ARMC9: variants seen among roughly 807,000 people sequenced by gnomAD.
The protein encoded by ARMC9 is lisH domain-containing protein ARMC9.
In ARMC9, 94 loss-of-function variants were observed where a neutral mutation model predicts 107.0. The observed-to-expected ratio is 0.88, with a 90% CI of 0.74 to 1.04. The LOEUF is 1.04. Among genes scored for constraint, ARMC9 ranks in the 50% least tolerant of loss-of-function variants. The pLI is 0.00. For missense variants in ARMC9, 942 were observed against 1,030.1 expected (o/e 0.91, Z 1.17); for synonymous variants, 380 against 396.9 (o/e 0.96, Z 0.51).
chr2:231,356,033 G>C (rs927760506), intron 22 of ARMC9, 99 bp downstream of exon 22: 1 of 1,418,418 alleles, frequency 7.1e-7, no homozygotes, highest in Non-Finnish European at 9.3e-7. Flanking sequence ...TCTGCTCCTG[G>C]GAAGCCCTCT....
intron 9 of ARMC9, among the ~76,000 whole-genome samples, chr2:231,245,573 C>T (rs1194907067): frequency 1.3e-5 from 2 of 152,218 alleles, no homozygotes; most frequent in African/African-American, 2.4e-5. Flanking sequence ...TCCCTTCGCT[C>T]AGCGCATCCT....
chr2:231,201,033 G>T (rs1436649525), intron 1 of ARMC9, among the ~76,000 whole-genome samples: 1 of 152,182 alleles, frequency 6.6e-6, no homozygotes, highest in Non-Finnish European at 1.5e-5. Flanking sequence ...GGAGTTCGCT[G>T]TTGGCAGGGT....
intron 9 of ARMC9, among the ~76,000 whole-genome samples, chr2:231,241,732 G>A (rs1425512814): frequency 6.6e-6 from 1 of 152,052 alleles, no homozygotes; most frequent in Non-Finnish European, 1.5e-5. Context: ...ATAAAAATAA[G>A]TAAAGCAGTT....
rs201981676 is a variant in ARMC9, at chr2:231,259,012, A to T, written c.936A>T (p.Leu312Phe). 3.1e-6 allele frequency: 5 copies of T among 1,613,646 alleles called. No individual in the cohort carries two copies. The highest frequency in any genetic ancestry group is 2.7e-5 in the African/African-American group (2 of 74,926). The change falls in exon 11 of 25, where the codon TTA (leucine) becomes TTT (phenylalanine). Residue 312 changes from leucine to phenylalanine, a missense_variant. Leu to Phe is a conservative substitution (Grantham distance 22). Coordinates refer to ENST00000611582, the MANE Select transcript of ARMC9 (RefSeq NM_001352754.2). ...LAPVKLKDVP[L>F]LPSLDYEKLK... ...GTAGGAAATTGAAGGATGTCCCATT[A>T]CTGCCCTCCTTGGATTATGAGAAAC...
At chr2:231,319,439 C>T (rs2042881040) in intron 19 of ARMC9, among the ~76,000 whole-genome samples, 1 of 152,154 alleles carries the variant, frequency 6.6e-6, no homozygotes, top group African/African-American at 2.4e-5. Flanking sequence ...CAATGCTCAG[C>T]CCAGCATCTC....
At chr2:231,265,136 C>T (rs1327638864) in intron 12 of ARMC9, among the ~76,000 whole-genome samples, 1 of 151,972 alleles carries the variant, frequency 6.6e-6, no homozygotes, top group Non-Finnish European at 1.5e-5. Context: ...AACGCTTGAA[C>T]CCTTTTACAC....
intron 16 of ARMC9, 115 bp downstream of exon 16, chr2:231,278,573 A>G (rs1281653902): frequency 3.5e-6 from 3 of 851,354 alleles, no homozygotes; most frequent in South Asian, 1.6e-5. Context: ...TGAAAACTGT[A>G]CATGTTCTCT....
intron 21 of ARMC9, among the ~76,000 whole-genome samples, chr2:231,353,978 TATACACACACACACACAC>T (rs1380669768): frequency 1.1e-3 from 148 of 138,300 alleles, no homozygotes; most frequent in African/African-American, 4.3e-3. Flanking sequence ...TATATGTATA[TATACACACACACACACAC>T]ACACACACAC....
Position 231,360,915 on chromosome 2 carries a change from ACT to A in ARMC9, c.2261+36_2261+37del, listed in dbSNP as rs1343838861. 3 of 1,484,086 alleles carry A rather than the reference ACT, an allele frequency of 2.0e-6. No individual in the cohort carries two copies. The highest frequency in any genetic ancestry group is 1.8e-4 in the Middle Eastern group (1 of 5,564). 91.9% of individuals were successfully genotyped at this position (1,484,086 alleles called of 1,614,324 possible). On this transcript the variant is annotated intron_variant, in intron 23 of 24. Transcript: ENST00000611582. The surrounding 1 kb of genome is among the most constrained non-coding windows in gnomAD (Gnocchi z 4.7). ...GGGATATCACAAGGCCTCGAACCTG[ACT>A]CTCGGAGCTCTGGGAGTGGGCGCCC...
chr2:231,302,443 T>TTG (rs1553620424), intron 19 of ARMC9, among the ~76,000 whole-genome samples: 8 of 142,270 alleles, frequency 5.6e-5, no homozygotes, highest in South Asian at 2.3e-4. Flanking sequence ...GTTTGTTTTT[T>TTG]TTTTTTTTTT....
At chr2:231,259,260 A>G (rs2038118843) in intron 11 of ARMC9, among the ~76,000 whole-genome samples, 158 bp downstream of exon 11, 1 of 152,204 alleles carries the variant, frequency 6.6e-6, no homozygotes, top group Admixed American at 6.5e-5. Context: ...ACTTCTGAAG[A>G]TAGCCTGGGC....
At chr2:231,370,231 GC>G in intron 24 of ARMC9, 106 bp downstream of exon 24, 1 of 1,288,250 alleles carries the variant, frequency 7.8e-7, no homozygotes, top group Non-Finnish European at 1.0e-6. Context: ...TGTGTACCAG[GC>G]CAGGCCAGAA....
chr2:231,321,765 G>C (rs375979904), intron 19 of ARMC9, among the ~76,000 whole-genome samples: 1 of 152,140 alleles, frequency 6.6e-6, no homozygotes. Flanking sequence ...TTCTCCATGT[G>C]AAGCGCGGTG....
chr2:231,250,522 G>A (rs1206321563), intron 9 of ARMC9, among the ~76,000 whole-genome samples: 1 of 152,184 alleles, frequency 6.6e-6, no homozygotes, highest in East Asian at 1.9e-4. Context: ...TGCAGAGAAC[G>A]CAGGGGATGC....
Position 231,374,456 on chromosome 2 carries a change from A to G in ARMC9, c.*2921A>G, listed in dbSNP as rs2046134505. 6.6e-6 allele frequency: 1 copy of G among 152,170 alleles called. No individual in the cohort carries two copies. Among genetic ancestry groups the G allele is most frequent in the Non-Finnish European group, 1.5e-5 (1 of 68,032 alleles). 9.4% of individuals were successfully genotyped at this position (152,170 alleles called of 1,614,324 possible). ...ATTAGGACCTGTGGTGGGGACTTTA[A>G]TAGGCAGGTGGAGGTTTGAGATCCA... On this transcript the variant is annotated 3_prime_UTR_variant, in exon 25 of 25. Transcript: ENST00000611582.
chr2:231,274,494 A>G (rs951267745), intron 14 of ARMC9, among the ~76,000 whole-genome samples: 1 of 152,218 alleles, frequency 6.6e-6, no homozygotes, highest in Non-Finnish European at 1.5e-5. Context: ...TAATGCTGCC[A>G]TGAATGCTTC....
intron 9 of ARMC9, among the ~76,000 whole-genome samples, chr2:231,240,741 A>G (rs546744445): frequency 2.6e-5 from 4 of 152,314 alleles, no homozygotes; most frequent in African/African-American, 7.2e-5. Context: ...TGAGTCAATA[A>G]TGTCCTTCAC....
intron 7 of ARMC9, among the ~76,000 whole-genome samples, chr2:231,233,085 A>G (rs982906586): frequency 6.6e-6 from 1 of 152,114 alleles, no homozygotes; most frequent in Non-Finnish European, 1.5e-5. Context: ...TCCTGGTCTC[A>G]GGTGATCCAC....
intron 21 of ARMC9, among the ~76,000 whole-genome samples, chr2:231,346,507 T>C (rs7592972): frequency 0.2 from 30,216 of 151,940 alleles, 7,550 homozygotes; most frequent in African/African-American, 0.59. Flanking sequence ...GGCGATAGAG[T>C]GACACTCTAT....
Sources: allele counts gnomAD v4.1 joint callset (sites outside exome capture counted in the v4.1 genomes callset), GRCh38; gene constraint gnomAD v4.1.1; non-coding constraint Gnocchi (gnomAD v3.1); transcripts MANE v1.5; gene names NCBI Gene and HGNC (gene_info 2026-07-23, HGNC 2026-07-21).